NXPH1: variants seen among roughly 807,000 people sequenced by gnomAD.
NXPH1 encodes the protein neurexophilin-1.
In NXPH1, 5 loss-of-function variants were observed where a neutral mutation model predicts 23.7. The ratio of observed to expected loss-of-function variants is 0.21; its 90% CI spans 0.11 to 0.44. The LOEUF is 0.44. Ranked by LOEUF, NXPH1 falls within the 20% of genes least tolerant of loss-of-function variation. The pLI, the probability that NXPH1 is intolerant of heterozygous loss-of-function variation, is 0.99. For synonymous variants in NXPH1, 144 were observed against 122.2 expected, an observed-to-expected ratio of 1.18 and a Z score of -1.18; for missense variants, 324 against 321.6, an observed-to-expected ratio of 1.01 and a Z score of -0.06.
chr7:8,456,177 G>A (rs932108563), intron 2 of NXPH1, among the ~76,000 whole-genome samples: 1 of 152,130 alleles, frequency 6.6e-6, no homozygotes, highest in Non-Finnish European at 1.5e-5. Context: ...AAAGCCACAG[G>A]ATTTTACTGC....
chr7:8,640,419 T>C (rs1370841980), intron 2 of NXPH1, among the ~76,000 whole-genome samples: 1 of 150,932 alleles, frequency 6.6e-6, no homozygotes, highest in Non-Finnish European at 1.5e-5. Flanking sequence ...TTGAATATTA[T>C]ATTTATTAAG....
In NXPH1 at chr7:8,442,912, G is replaced by A. The variant is rs539193322; in HGVS notation, c.54+7145G>A. Among the ~76,000 whole-genome samples, 4 of 152,364 alleles carry A rather than the reference G, an allele frequency of 2.6e-5. No individual in the cohort carries two copies. Among genetic ancestry groups the A allele is most frequent in the African/African-American group, 9.6e-5 (4 of 41,586 alleles). ...GCAGTTCTCGGGAGAATAGGCCGCGGGCTATAAGATTTGATCGCGGGCAGG... is the reference window on the plus strand; with the variant it reads ...GCAGTTCTCGGGAGAATAGGCCGCGAGCTATAAGATTTGATCGCGGGCAGG... On this transcript the variant is annotated intron_variant, in intron 2 of 2. Coordinates refer to ENST00000405863, the MANE Select transcript of NXPH1 (RefSeq NM_152745.3). The surrounding 1 kb of genome is among the most constrained non-coding windows in gnomAD (Gnocchi z 4.6).
At chr7:8,503,137 A>G (rs1320637780) in intron 2 of NXPH1, among the ~76,000 whole-genome samples, 1 of 152,218 alleles carries the variant, frequency 6.6e-6, no homozygotes, top group East Asian at 1.9e-4. Flanking sequence ...TGTGCACAAC[A>G]GACAACAAAG....
At chr7:8,691,234 C>T (rs1172458094) in intron 2 of NXPH1, among the ~76,000 whole-genome samples, 1 of 152,066 alleles carries the variant, frequency 6.6e-6, no homozygotes, top group African/African-American at 2.4e-5. Context: ...GACCTCCATC[C>T]ACCTCCTGGG....
At chr7:8,526,709 A>AT (rs1402196120) in intron 2 of NXPH1, among the ~76,000 whole-genome samples, 2 of 151,774 alleles carry the variant, frequency 1.3e-5, no homozygotes, top group African/African-American at 4.8e-5. Flanking sequence ...CTTCTTCCTC[A>AT]TTTTTCTCTT....
At chr7:8,744,690 A>G (rs994459459) in intron 2 of NXPH1, among the ~76,000 whole-genome samples, 16 of 152,202 alleles carry the variant, frequency 1.1e-4, no homozygotes, top group Admixed American at 8.5e-4. Flanking sequence ...TAATCTCCCA[A>G]TATTTCTATG....
intron 2 of NXPH1, among the ~76,000 whole-genome samples, chr7:8,641,196 CA>C: frequency 6.6e-6 from 1 of 152,146 alleles, no homozygotes; most frequent in South Asian, 2.1e-4. Context: ...AGAATGGGGA[CA>C]TTTTTATTGT....
chr7:8,659,011 T>A lies in NXPH1; in HGVS notation c.55-91997T>A, dbSNP rs1416803157. Among the ~76,000 whole-genome samples, 36 of 21,568 alleles carry A rather than the reference T, an allele frequency of 1.7e-3. 12 individuals carry two copies. The East Asian group carries it at 0.047, about 28-fold the overall frequency. 14.1% of individuals were successfully genotyped at this position (21,568 alleles called of 152,430 possible). A position where few individuals can be genotyped will look rare whatever the true frequency, so the allele number is the denominator to read the frequency against. ...TATGTATATATATATATATATTTTT[T>A]TTTTTTTTTGCTAAAACAGAAAAAG... On this transcript the variant is annotated intron_variant, in intron 2 of 2. Transcript: ENST00000405863.
In NXPH1 at chr7:8,559,443, C is replaced by G. The variant is rs542145289; in HGVS notation, c.54+123676C>G. ...TTCATTAAAATTCATAAACACCAGACAAACTCATTATTTGGATGCCCAAAT... is the reference window on the plus strand; with the variant it reads ...TTCATTAAAATTCATAAACACCAGAGAAACTCATTATTTGGATGCCCAAAT... On this transcript the variant is annotated intron_variant, in intron 2 of 2. Transcript: ENST00000405863. Among the ~76,000 whole-genome samples the G allele has an allele frequency of 2.0e-5, 3 of 151,752 alleles. No individual in the cohort carries two copies. The South Asian group carries it at 6.2e-4, about 31-fold the overall frequency.
intron 2 of NXPH1, among the ~76,000 whole-genome samples, chr7:8,547,887 T>C (rs1818220712): frequency 6.6e-6 from 1 of 151,550 alleles, no homozygotes; most frequent in Admixed American, 6.6e-5. Context: ...TCCAGTAAAC[T>C]GTTGATGAAA....
chr7:8,748,136 C>T (rs974952598), intron 2 of NXPH1, among the ~76,000 whole-genome samples: 1 of 152,122 alleles, frequency 6.6e-6, no homozygotes, highest in Non-Finnish European at 1.5e-5. Context: ...CAACTTTATC[C>T]TATTAGAAAT....
intron 2 of NXPH1, among the ~76,000 whole-genome samples, chr7:8,654,477 G>T (rs1410601939): frequency 6.6e-6 from 1 of 152,112 alleles, no homozygotes; most frequent in Non-Finnish European, 1.5e-5. Context: ...TATAATAAAA[G>T]TGCATTATCA....
At chr7:8,707,993 C>T (rs1248751110) in intron 2 of NXPH1, among the ~76,000 whole-genome samples, 3 of 152,012 alleles carry the variant, frequency 2.0e-5, no homozygotes, top group African/African-American at 7.2e-5. Context: ...GGATACAAAA[C>T]ATAAATCTTT....
At chr7:8,503,346 A>C (rs1176200526) in intron 2 of NXPH1, among the ~76,000 whole-genome samples, 1 of 151,984 alleles carries the variant, frequency 6.6e-6, no homozygotes, top group Non-Finnish European at 1.5e-5. Flanking sequence ...TTGACTCCAT[A>C]GTCTACTCTG....
chr7:8,699,141 T>C (rs1779581805), intron 2 of NXPH1, among the ~76,000 whole-genome samples: 1 of 152,170 alleles, frequency 6.6e-6, no homozygotes, highest in Non-Finnish European at 1.5e-5. Flanking sequence ...TTCTTTTCAC[T>C]CAGATCCAGT....
At chr7:8,560,988 C>T (rs1210527714) in intron 2 of NXPH1, among the ~76,000 whole-genome samples, 1 of 151,408 alleles carries the variant, frequency 6.6e-6, no homozygotes, top group Non-Finnish European at 1.5e-5. Flanking sequence ...GAAACAAGCC[C>T]CTCTGGATTG....
In NXPH1 at chr7:8,717,888, C is replaced by CTG. The variant is rs201760688; in HGVS notation, c.55-33114_55-33113dup. On this transcript the variant is annotated intron_variant, in intron 2 of 2. Coordinates refer to ENST00000405863, the MANE Select transcript of NXPH1 (RefSeq NM_152745.3). ...GGATCATGTGGGTGTATTCTTCTCT[C>CTG]TGTGTGTATATATATATATATATAC... Among the ~76,000 whole-genome samples the CTG allele has an allele frequency of 2.0e-3, 169 of 84,526 alleles. 1 individual carries two copies. Among genetic ancestry groups the CTG allele is most frequent in the African/African-American group, 0.012 (158 of 13,736 alleles). 55.5% of individuals were successfully genotyped at this position (84,526 alleles called of 152,430 possible). A position where few individuals can be genotyped will look rare whatever the true frequency, so the allele number is the denominator to read the frequency against.
At chr7:8,450,455 C>T (rs1274600306) in intron 2 of NXPH1, among the ~76,000 whole-genome samples, 2 of 152,228 alleles carry the variant, frequency 1.3e-5, no homozygotes, top group Admixed American at 1.3e-4. Context: ...TTGCATTCTG[C>T]ATGTGTAAAG....
rs550929602 is a variant in NXPH1 at position 8,615,461 on chromosome 7, G to T, written c.55-135547G>T. 5.3e-5 allele frequency among the ~76,000 whole-genome samples: 8 copies of T among 151,954 alleles called. No homozygotes were observed. The East Asian group carries it at 1.6e-3, about 29-fold the overall frequency. ...CTTAGTAAGCTTTCAATAGATGTTA[G>T]GTGTTACTGCTATCTCTTGGTGATC... On this transcript the variant is annotated intron_variant, in intron 2 of 2. Coordinates refer to ENST00000405863, the MANE Select transcript of NXPH1 (RefSeq NM_152745.3).
Sources: gnomAD v4.1 joint callset for allele counts (sites outside exome capture counted in the v4.1 genomes callset) on GRCh38, gnomAD v4.1.1 for gene constraint, Gnocchi (gnomAD v3.1) non-coding constraint, MANE v1.5 for transcripts, NCBI Gene and HGNC (gene_info 2026-07-23, HGNC 2026-07-21) for gene names.